KIF3A: variants seen among roughly 807,000 people sequenced by gnomAD.
The protein encoded by KIF3A is kinesin family member 3A.
A neutral mutation model predicts 92.6 loss-of-function variants in KIF3A; 27 were observed. The observed-to-expected ratio is 0.29, with a 90% CI of 0.21 to 0.40. The LOEUF (loss-of-function observed/expected upper bound fraction) is 0.40. Among genes scored for constraint, KIF3A ranks in the 10% least tolerant of loss-of-function variants. KIF3A has a pLI of 1.00. For synonymous variants in KIF3A, 250 were observed against 275.4 expected, an observed-to-expected ratio of 0.91 and a Z score of 0.92; for missense variants, 581 against 872.6, an observed-to-expected ratio of 0.67 and a Z score of 4.21.
intron 10 of KIF3A, 70 bp from the exon 11 acceptor site, chr5:132,706,529 G>A (rs1200744188): frequency 3.2e-6 from 4 of 1,264,726 alleles, no homozygotes; most frequent in Non-Finnish European, 4.4e-6. Flanking sequence ...AGGAAAAAAA[G>A]GAAAACATTA....
rs748390121 is a variant in KIF3A, at chr5:132,703,601, G to T, written c.1328C>A (p.Pro443Gln). The T allele has an allele frequency of 1.2e-6, 2 of 1,603,976 alleles. No homozygotes were observed. The highest frequency in any genetic ancestry group is 1.7e-5 in the Admixed American group (1 of 58,170). The change falls in exon 12 of 19, where the codon CCA becomes CAA. Residue 443 changes from proline to glutamine, a missense_variant. Transcript: ENST00000403231. ...PNQAGKKKVS[P>Q]DKMIEMQAKI... ...TGCTTGCATTTCAATCATCTTGTCT[G>T]GGGAGACTTTCTTTTTTCCTATTTG...
At chr5:132,708,658 T>C (rs981594075) in intron 10 of KIF3A, among the ~76,000 whole-genome samples, 9 of 152,218 alleles carry the variant, frequency 5.9e-5, no homozygotes, top group Non-Finnish European at 1.3e-4. Context: ...CTTTACATTA[T>C]CTCAATTGCA....
chr5:132,712,541 T>C (rs147817429), intron 8 of KIF3A, among the ~76,000 whole-genome samples: 47 of 152,096 alleles, frequency 3.1e-4, no homozygotes, highest in Middle Eastern at 3.4e-3. Context: ...GAATAGAAAA[T>C]AACATTGAGC....
intron 1 of KIF3A, 117 bp downstream of exon 1, chr5:132,737,297 C>A: frequency 8.3e-7 from 1 of 1,209,564 alleles, no homozygotes; most frequent in South Asian, 1.6e-5. Context: ...CACGACCGAG[C>A]CTGCCCCGCC....
chr5:132,701,770 C>G (rs1307684789), intron 15 of KIF3A, among the ~76,000 whole-genome samples: 2 of 151,894 alleles, frequency 1.3e-5, no homozygotes, highest in East Asian at 3.9e-4. Flanking sequence ...GAATCAGCAC[C>G]CACAGCAGGG....
intron 15 of KIF3A, among the ~76,000 whole-genome samples, chr5:132,701,166 A>G (rs1165269799): frequency 6.6e-6 from 1 of 152,122 alleles, no homozygotes; most frequent in Non-Finnish European, 1.5e-5. Context: ...TTATTTTCAG[A>G]CAAATTTCTT....
chr5:132,717,047 C>T, intron 5 of KIF3A, 63 bp from the exon 6 acceptor site: 1 of 1,497,864 alleles, frequency 6.7e-7, no homozygotes, highest in East Asian at 2.3e-5. Flanking sequence ...AATAATTAAA[C>T]ATCCTGAACA....
intron 2 of KIF3A, among the ~76,000 whole-genome samples, chr5:132,729,677 T>G (rs1239246406): frequency 6.6e-6 from 1 of 151,624 alleles, no homozygotes; most frequent in East Asian, 2.0e-4. Flanking sequence ...AATCAGGAGG[T>G]AAAATAGTAT....
intron 10 of KIF3A, among the ~76,000 whole-genome samples, chr5:132,707,919 T>C (rs149894256): frequency 4.6e-5 from 7 of 152,284 alleles, no homozygotes; most frequent in South Asian, 2.1e-4. Flanking sequence ...GCCTTTAAGT[T>C]TGAAATAAGT....
intron 10 of KIF3A, 61 bp from the exon 11 acceptor site, chr5:132,706,520 G>T: frequency 7.7e-7 from 1 of 1,295,348 alleles, no homozygotes; most frequent in Non-Finnish European, 1.1e-6. Context: ...GAGATGAGGA[G>T]GAAAAAAAGG....
intron 10 of KIF3A, among the ~76,000 whole-genome samples, chr5:132,706,741 AT>A (rs1263843791): frequency 6.6e-6 from 1 of 152,164 alleles, no homozygotes; most frequent in Admixed American, 6.5e-5. Flanking sequence ...TCTCACACTG[AT>A]TCCCCAAGTC....
intron 8 of KIF3A, among the ~76,000 whole-genome samples, chr5:132,714,526 A>G (rs772038444): frequency 2.6e-5 from 4 of 152,252 alleles, no homozygotes; most frequent in Non-Finnish European, 4.4e-5. Context: ...GCCAGTCACA[A>G]GTAGATACTC....
intron 2 of KIF3A, 25 bp downstream of exon 2, chr5:132,734,180 T>A: frequency 1.3e-6 from 2 of 1,579,108 alleles, no homozygotes; most frequent in South Asian, 2.3e-5. Context: ...TAAGGGAGTT[T>A]TTTAAAAAGT....
At chr5:132,690,277 G>C (rs1752630309), downstream of KIF3A, among the ~76,000 whole-genome samples, 2 of 151,724 alleles carry the variant, frequency 1.3e-5, no homozygotes, top group Admixed American at 6.5e-5. Flanking sequence ...TGTAGTCCTA[G>C]TTACTCAGGA....
At chr5:132,707,766 A>G (rs1347801374) in intron 10 of KIF3A, among the ~76,000 whole-genome samples, 1 of 152,208 alleles carries the variant, frequency 6.6e-6, no homozygotes, top group Admixed American at 6.5e-5. Context: ...TTGAAAGGGT[A>G]AGTATATAGA....
chr5:132,735,308 C>G (rs1385112929), intron 1 of KIF3A, among the ~76,000 whole-genome samples: 1 of 152,150 alleles, frequency 6.6e-6, no homozygotes, highest in African/African-American at 2.4e-5. Context: ...CTCCTGACCG[C>G]AAGTGATCCA....
chr5:132,726,337 A>G lies in KIF3A; in HGVS notation c.425+17T>C. The G allele has an allele frequency of 1.2e-6, 2 of 1,612,326 alleles. No homozygotes were observed. The highest frequency in any genetic ancestry group is 1.7e-6 in the Non-Finnish European group (2 of 1,178,728). On this transcript the variant is annotated intron_variant, in intron 3 of 18. Coordinates refer to ENST00000403231, the MANE Select transcript of KIF3A (RefSeq NM_001300791.2). ...TTGTACTTCTCAATATCAGAAAATA[A>G]AAGAATTCCCTTTTACCTTGTATCA...
intron 16 of KIF3A, 39 bp from the exon 17 acceptor site, chr5:132,700,323 A>G: frequency 2.5e-6 from 3 of 1,196,158 alleles, no homozygotes; most frequent in Non-Finnish European, 3.7e-6. Context: ...AAATGTCTTA[A>G]TTAGTAATCA....
chr5:132,700,028 T>G (rs1445590459), intron 17 of KIF3A, among the ~76,000 whole-genome samples, 188 bp downstream of exon 17: 1 of 152,126 alleles, frequency 6.6e-6, no homozygotes, highest in East Asian at 1.9e-4. Context: ...ACATCAAGAC[T>G]GATGGTAAGC....
Sources: gnomAD v4.1 joint callset for allele counts (sites outside exome capture counted in the v4.1 genomes callset) on GRCh38, gnomAD v4.1.1 for gene constraint, MANE v1.5 for transcripts, NCBI Gene and HGNC (gene_info 2026-07-23, HGNC 2026-07-21) for gene names.